Variants in RSPO3 observed in about 807,000 individuals in gnomAD.
RSPO3 encodes the protein R-spondin 3.
A neutral mutation model predicts 36.5 loss-of-function variants in RSPO3; 17 were observed. The ratio of observed to expected loss-of-function variants is 0.47; its 90% CI spans 0.32 to 0.70. The LOEUF is 0.70. Ranked by LOEUF, RSPO3 falls within the 30% of genes least tolerant of loss-of-function variation. The probability of loss-of-function intolerance (pLI) is 0.04; values close to 1 mark genes in which losing one functional copy is unlikely to be tolerated. For missense variants in RSPO3, 294 were observed against 322.5 expected, an observed-to-expected ratio of 0.91 and a Z score of 0.68; for synonymous variants, 108 against 107.0, an observed-to-expected ratio of 1.01 and a Z score of -0.06.
intron 4 of RSPO3, among the ~76,000 whole-genome samples, chr6:127,191,953 T>C (rs1218029815): frequency 2.0e-5 from 3 of 152,198 alleles, no homozygotes; most frequent in Non-Finnish European, 4.4e-5. Flanking sequence ...GGAAGTTGAC[T>C]TTCAATGCCC....
intron 4 of RSPO3, among the ~76,000 whole-genome samples, chr6:127,176,131 G>A (rs758371608): frequency 2.6e-5 from 4 of 151,704 alleles, no homozygotes; most frequent in Admixed American, 6.6e-5. Context: ...CAATGTTACC[G>A]TAACATTGTC....
At chr6:127,137,751 C>T (rs909835569) in intron 1 of RSPO3, among the ~76,000 whole-genome samples, 2 of 152,134 alleles carry the variant, frequency 1.3e-5, no homozygotes, top group East Asian at 3.9e-4. Flanking sequence ...CCTTCAAGTT[C>T]CATAATCATT....
chr6:127,186,766 T>C lies in RSPO3; in HGVS notation c.635-9057T>C, dbSNP rs540940414. ...AATTTATCGCAAATAATGTGAAAAG[T>C]TGTTTAAAAATTAATGATAGTCAAG... is the stretch of plus-strand genomic sequence containing the variant. On this transcript the variant is annotated intron_variant, in intron 4 of 4. Coordinates refer to ENST00000356698, the MANE Select transcript of RSPO3 (RefSeq NM_032784.5). Among the ~76,000 whole-genome samples, 4 of 152,268 alleles carry C rather than the reference T, an allele frequency of 2.6e-5. No homozygotes were observed. The South Asian group carries it at 8.3e-4, about 32-fold the overall frequency.
At chr6:127,190,146 G>A (rs549022485) in intron 4 of RSPO3, among the ~76,000 whole-genome samples, 13 of 152,092 alleles carry the variant, frequency 8.5e-5, no homozygotes, top group East Asian at 5.8e-4. Context: ...ATAACAGGCC[G>A]GGCACAGTGG....
intron 1 of RSPO3, among the ~76,000 whole-genome samples, chr6:127,139,325 C>T (rs1774222632): frequency 6.6e-6 from 1 of 152,120 alleles, no homozygotes. Context: ...AGACCTCAGC[C>T]ATCAGATATG....
chr6:127,134,117 G>T (rs1774108172), intron 1 of RSPO3, among the ~76,000 whole-genome samples: 1 of 152,078 alleles, frequency 6.6e-6, no homozygotes, highest in Non-Finnish European at 1.5e-5. Context: ...ACCACATATG[G>T]GGATGAAGCA....
At chr6:127,182,576 T>G (rs1361125254) in intron 4 of RSPO3, among the ~76,000 whole-genome samples, 1 of 151,988 alleles carries the variant, frequency 6.6e-6, no homozygotes, top group Non-Finnish European at 1.5e-5. Flanking sequence ...CACATTTCCT[T>G]TAATTTTCAG....
intron 1 of RSPO3, among the ~76,000 whole-genome samples, chr6:127,124,743 A>C (rs1773907980): frequency 6.6e-6 from 1 of 152,080 alleles, no homozygotes; most frequent in South Asian, 2.1e-4. Context: ...ACATATGTAA[A>C]AGATGCTAGC....
At chr6:127,165,362 T>C (rs2114608443) in intron 4 of RSPO3, among the ~76,000 whole-genome samples, 1 of 152,210 alleles carries the variant, frequency 6.6e-6, no homozygotes, top group South Asian at 2.1e-4. Context: ...ATAAGTACAA[T>C]TGTAAACATC....
intron 1 of RSPO3, among the ~76,000 whole-genome samples, chr6:127,147,688 A>T (rs1455038198): frequency 6.6e-6 from 1 of 152,122 alleles, no homozygotes; most frequent in Non-Finnish European, 1.5e-5. Context: ...CCAAATATTC[A>T]TTTCTGTTTG....
chr6:127,140,280 C>A (rs960257958), intron 1 of RSPO3, among the ~76,000 whole-genome samples: 1 of 151,958 alleles, frequency 6.6e-6, no homozygotes, highest in Non-Finnish European at 1.5e-5. Flanking sequence ...GCTTTTTATT[C>A]TTTCTTTGTT....
chr6:127,193,445 A>C (rs951146963), intron 4 of RSPO3, among the ~76,000 whole-genome samples: 2 of 152,212 alleles, frequency 1.3e-5, no homozygotes, highest in Non-Finnish European at 2.9e-5. Context: ...GAACAATGTC[A>C]AACACTGAAC....
chr6:127,145,198 C>T (rs1774358674), intron 1 of RSPO3, among the ~76,000 whole-genome samples: 1 of 152,122 alleles, frequency 6.6e-6, no homozygotes, highest in Admixed American at 6.6e-5. Context: ...TTTTCAAATC[C>T]TCTTTCTTGT....
At chr6:127,128,547 C>T (rs571852502) in intron 1 of RSPO3, among the ~76,000 whole-genome samples, 12 of 152,174 alleles carry the variant, frequency 7.9e-5, no homozygotes, top group African/African-American at 2.9e-4. Flanking sequence ...TAAGCAACCA[C>T]TGAAAACCAT....
intron 4 of RSPO3, among the ~76,000 whole-genome samples, chr6:127,160,761 ATGCC>A (rs1341274495): frequency 9.2e-5 from 14 of 152,086 alleles, no homozygotes; most frequent in African/African-American, 3.4e-4. Flanking sequence ...CTTCCACTCC[ATGCC>A]TGTTTTAATT....
chr6:127,191,986 G>A (rs1775420497), intron 4 of RSPO3, among the ~76,000 whole-genome samples: 1 of 152,184 alleles, frequency 6.6e-6, no homozygotes. Context: ...GTCCTTGCAT[G>A]CCTTAGTGCA....
chr6:127,181,468 G>A (rs562946196), intron 4 of RSPO3, among the ~76,000 whole-genome samples: 11 of 151,814 alleles, frequency 7.2e-5, no homozygotes, highest in African/African-American at 1.9e-4. Context: ...GAAATCACCC[G>A]GTATTGTTTT....
At chr6:127,125,725 C>A (rs909182130) in intron 1 of RSPO3, among the ~76,000 whole-genome samples, 1 of 151,884 alleles carries the variant, frequency 6.6e-6, no homozygotes, top group Non-Finnish European at 1.5e-5. Flanking sequence ...TATGATATAC[C>A]TCATAATTCA....
intron 4 of RSPO3, among the ~76,000 whole-genome samples, chr6:127,194,993 T>C (rs1396101026): frequency 6.6e-6 from 1 of 152,238 alleles, no homozygotes; most frequent in African/African-American, 2.4e-5. Context: ...CAAATATTTA[T>C]GTTAAAATAC....
Sources: allele counts gnomAD v4.1 joint callset (sites outside exome capture counted in the v4.1 genomes callset), GRCh38; gene constraint gnomAD v4.1.1; transcripts MANE v1.5; gene names NCBI Gene and HGNC (gene_info 2026-07-23, HGNC 2026-07-21).